Variants in CTNNA3 observed in about 807,000 individuals in gnomAD.
The protein encoded by CTNNA3 is catenin alpha-3.
A neutral mutation model predicts 95.7 loss-of-function variants in CTNNA3; 76 were observed. That is an observed-to-expected ratio of 0.79 (90% CI 0.66 to 0.96). CTNNA3 has a LOEUF of 0.96. Among genes scored for constraint, CTNNA3 ranks in the 40% least tolerant of loss-of-function variants. The pLI, the probability that CTNNA3 is intolerant of heterozygous loss-of-function variation, is 0.00. For synonymous variants in CTNNA3, 431 were observed against 374.4 expected (o/e 1.15, Z -1.74); for missense variants, 1,191 against 1,089.8 (o/e 1.09, Z -1.31).
chr10:66,919,232 TATCGACGAAATAAA>T (rs1017394296), intron 7 of CTNNA3, among the ~76,000 whole-genome samples: 3 of 151,384 alleles, frequency 2.0e-5, no homozygotes, highest in African/African-American at 7.3e-5. Context: ...GAGGTGTGAG[TATCGACGAAATAAA>T]ATTAGCAAAA....
rs190389903 is a variant in CTNNA3 at position 67,291,043 on chromosome 10, T to A, written c.580-71173A>T. On this transcript the variant is annotated intron_variant, in intron 5 of 17. Coordinates refer to ENST00000433211, the MANE Select transcript of CTNNA3 (RefSeq NM_013266.4). ...AAAACATAAGGTTGAAAGGATGGAC[T>A]CCGGAGTCAGATGCACAAGGATTCA... 1.9e-3 allele frequency among the ~76,000 whole-genome samples: 294 copies of A among 152,238 alleles called. 1 individual carries two copies. Among genetic ancestry groups the A allele is most frequent in the Non-Finnish European group, 3.5e-3 (238 of 68,018 alleles).
At chr10:67,319,855 C>T (rs377640453) in intron 5 of CTNNA3, among the ~76,000 whole-genome samples, 31 of 141,050 alleles carry the variant, frequency 2.2e-4, no homozygotes, top group East Asian at 2.1e-3. Context: ...GAGACTGCTC[C>T]ACTGCACTCC....
At chr10:66,743,552 C>T (rs570016677) in intron 9 of CTNNA3, among the ~76,000 whole-genome samples, 1 of 152,214 alleles carries the variant, frequency 6.6e-6, no homozygotes, top group African/African-American at 2.4e-5. Context: ...CCTATTTCTG[C>T]TTTAAGGAAA....
chr10:66,158,644 TCCATATG>T (rs2084679950), intron 13 of CTNNA3, among the ~76,000 whole-genome samples: 2 of 152,106 alleles, frequency 1.3e-5, no homozygotes, highest in Non-Finnish European at 2.9e-5. Context: ...CTTTTTTGGT[TCCATATG>T]AATTTTAGAA....
intron 16 of CTNNA3, among the ~76,000 whole-genome samples, chr10:65,981,381 A>C (rs190559129): frequency 3.9e-4 from 59 of 152,238 alleles, no homozygotes; most frequent in African/African-American, 1.4e-3. Flanking sequence ...TCCCATGTTC[A>C]TGGATGAGTA....
intron 7 of CTNNA3, among the ~76,000 whole-genome samples, chr10:66,913,111 C>G (rs1166451003): frequency 6.6e-6 from 1 of 151,580 alleles, no homozygotes; most frequent in Non-Finnish European, 1.5e-5. Context: ...CTGTGGCAGG[C>G]GCCTGTAGTC....
chr10:67,475,045 T>C (rs558516219), intron 5 of CTNNA3, among the ~76,000 whole-genome samples: 2 of 152,248 alleles, frequency 1.3e-5, no homozygotes, highest in East Asian at 1.9e-4. Flanking sequence ...AGCTAATGAA[T>C]AGAAAAGCAA....
At chr10:66,682,840 C>G (rs1324149490) in intron 9 of CTNNA3, among the ~76,000 whole-genome samples, 1 of 151,880 alleles carries the variant, frequency 6.6e-6, no homozygotes, top group African/African-American at 2.4e-5. Context: ...GTCAAAAGAC[C>G]TAAATTGAGG....
chr10:66,117,435 A>G (rs921289877), intron 13 of CTNNA3, among the ~76,000 whole-genome samples: 5 of 152,166 alleles, frequency 3.3e-5, no homozygotes, highest in Admixed American at 6.6e-5. Context: ...ATCATTTTTA[A>G]TCAATTAATA....
In CTNNA3 at chr10:66,202,852, G is replaced by C. The variant is rs78638468; in HGVS notation, c.1884+77618C>G. On this transcript the variant is annotated intron_variant, in intron 13 of 17. Coordinates refer to ENST00000433211, the MANE Select transcript of CTNNA3 (RefSeq NM_013266.4). ...GGGTGAGATTTTAAACTCTTTTAAG[G>C]TGATATCAATTAATTACTCATTAAT... is the stretch of plus-strand genomic sequence containing the variant. Among the ~76,000 whole-genome samples the C allele has an allele frequency of 9.8e-3, 1,485 of 152,180 alleles. 30 individuals carry two copies. Among genetic ancestry groups the C allele is most frequent in the African/African-American group, 0.034 (1,406 of 41,478 alleles).
At chr10:67,606,292 T>C (rs1464956187) in intron 3 of CTNNA3, among the ~76,000 whole-genome samples, 2 of 152,204 alleles carry the variant, frequency 1.3e-5, no homozygotes, top group Non-Finnish European at 2.9e-5. Flanking sequence ...ATTGCTGTAT[T>C]ATCATAAGTA....
chr10:66,086,927 C>A (rs1025316746), intron 14 of CTNNA3, among the ~76,000 whole-genome samples: 1 of 152,060 alleles, frequency 6.6e-6, no homozygotes, highest in Non-Finnish European at 1.5e-5. Flanking sequence ...GCCCCCAAAT[C>A]ATTTCTTTTC....
chr10:67,474,842 C>T (rs1466613139), intron 5 of CTNNA3, among the ~76,000 whole-genome samples: 2 of 152,140 alleles, frequency 1.3e-5, no homozygotes, highest in Non-Finnish European at 2.9e-5. Context: ...CAAAAAGGTA[C>T]AGCCACTCTG....
chr10:67,448,002 A>G (rs1297004061), intron 5 of CTNNA3, among the ~76,000 whole-genome samples: 1 of 152,246 alleles, frequency 6.6e-6, no homozygotes, highest in African/African-American at 2.4e-5. Flanking sequence ...CTGTATAGCT[A>G]GAGCTATAAA....
intron 12 of CTNNA3, among the ~76,000 whole-genome samples, chr10:66,291,041 C>A (rs1191973637): frequency 1.3e-5 from 2 of 152,028 alleles, no homozygotes; most frequent in East Asian, 3.9e-4. Flanking sequence ...AATATCTGAT[C>A]GTTTGGAAAT....
At chr10:66,871,775 T>A (rs1396288298) in intron 7 of CTNNA3, among the ~76,000 whole-genome samples, 1 of 152,100 alleles carries the variant, frequency 6.6e-6, no homozygotes, top group African/African-American at 2.4e-5. Flanking sequence ...ATAACTGGCA[T>A]CTATTAGGGA....
intron 5 of CTNNA3, among the ~76,000 whole-genome samples, chr10:67,220,724 CCTGT>C (rs1057318852): frequency 6.6e-5 from 10 of 152,000 alleles, no homozygotes; most frequent in African/African-American, 2.4e-4. Flanking sequence ...AAGAGAATGC[CCTGT>C]CTAAGTGATA....
intron 5 of CTNNA3, among the ~76,000 whole-genome samples, chr10:67,414,762 T>C (rs1411292276): frequency 6.6e-6 from 1 of 152,148 alleles, no homozygotes; most frequent in African/African-American, 2.4e-5. Context: ...TTCTTGGGAT[T>C]CAATACTGAA....
intron 5 of CTNNA3, among the ~76,000 whole-genome samples, chr10:67,359,229 G>T (rs1278726212): frequency 6.9e-6 from 1 of 144,422 alleles, no homozygotes; most frequent in African/African-American, 2.6e-5. Flanking sequence ...CCATTCAAAT[G>T]ACATAACTTT....
Sources: allele counts gnomAD v4.1 joint callset (sites outside exome capture counted in the v4.1 genomes callset), GRCh38; gene constraint gnomAD v4.1.1; transcripts MANE v1.5; gene names NCBI Gene and HGNC (gene_info 2026-07-23, HGNC 2026-07-21).